Variants in PIK3R4 observed in about 807,000 individuals in gnomAD.
PIK3R4 encodes phosphoinositide 3-kinase regulatory subunit 4.
In PIK3R4, 46 loss-of-function variants were observed where a neutral mutation model predicts 136.5. The observed-to-expected ratio is 0.34, with a 90% confidence interval of 0.27 to 0.43. The LOEUF (loss-of-function observed/expected upper bound fraction) is 0.43, where lower values mean the gene tolerates loss of function less well. Ranked by LOEUF, PIK3R4 falls within the 20% of genes least tolerant of loss-of-function variation. PIK3R4 has a pLI of 1.00. For missense variants in PIK3R4, 1,331 were observed against 1,649.5 expected (o/e 0.81, Z 3.35); for synonymous variants, 557 against 566.7 (o/e 0.98, Z 0.24).
At chr3:130,728,949 A>C (rs1433291300) in intron 5 of PIK3R4, among the ~76,000 whole-genome samples, 1 of 152,204 alleles carries the variant, frequency 6.6e-6, no homozygotes. Context: ...AGTTTCATTT[A>C]TTAGCTCAAG....
intron 19 of PIK3R4, 147 bp from the exon 20 acceptor site, chr3:130,679,632 A>G: frequency 1.8e-6 from 1 of 546,348 alleles, no homozygotes; most frequent in Non-Finnish European, 3.2e-6. Flanking sequence ...CATTGAGCAA[A>G]AGGAGTAGAG....
intron 9 of PIK3R4, among the ~76,000 whole-genome samples, chr3:130,715,031 C>T (rs927670685): frequency 6.6e-6 from 1 of 152,058 alleles, no homozygotes; most frequent in African/African-American, 2.4e-5. Context: ...ATACTGTCTT[C>T]CACAACAGTT....
At chr3:130,725,734 G>T (rs2066727653) in intron 6 of PIK3R4, among the ~76,000 whole-genome samples, 1 of 151,692 alleles carries the variant, frequency 6.6e-6, no homozygotes, top group Admixed American at 6.6e-5. Context: ...GTATATAAAG[G>T]CTCGAAAAGA....
At chr3:130,737,532 C>T (rs1414725282) in intron 2 of PIK3R4, among the ~76,000 whole-genome samples, 6 of 151,942 alleles carry the variant, frequency 3.9e-5, no homozygotes, top group East Asian at 1.9e-4. Context: ...TGGTGGTGCA[C>T]GTTTGTAATT....
chr3:130,711,019 A>T (rs1277129063), intron 9 of PIK3R4, among the ~76,000 whole-genome samples: 1 of 87,804 alleles, frequency 1.1e-5, no homozygotes, highest in Non-Finnish European at 2.4e-5. Flanking sequence ...AAAAGGAAAG[A>T]AAAAAAAAAA....
In PIK3R4 at chr3:130,734,104, T is replaced by C; in HGVS notation, c.894A>G (p.Pro298=). Residue 298 remains proline (P), a synonymous_variant, in exon 4 of 20, where the codon CCA becomes CCG. Transcript: ENST00000356763. ...AATCTTCTGCCTCTAAACGTTTATC[T>C]GGCTCACGGTGAATCATCTGAGTTA... ...ELVTQMIHRE[P]DKRLEAEDYL... is the part of the protein sequence containing the mutation. 1 of 1,613,082 alleles carries C rather than the reference T, an allele frequency of 6.2e-7. No individual in the cohort carries two copies. The highest frequency in any genetic ancestry group is 8.5e-7 in the Non-Finnish European group (1 of 1,179,332).
chr3:130,679,203 A>T lies in PIK3R4; in HGVS notation c.*112T>A. 1 of 615,972 alleles carries T rather than the reference A, an allele frequency of 1.6e-6. No homozygotes were observed. Among genetic ancestry groups the T allele is most frequent in the Non-Finnish European group, 2.6e-6 (1 of 382,150 alleles). 38.2% of individuals were successfully genotyped at this position (615,972 alleles called of 1,614,324 possible). On this transcript the variant is annotated 3_prime_UTR_variant, in exon 20 of 20. Transcript: ENST00000356763. The stretch of plus-strand genomic sequence containing the variant: ...AGTCAGTCAGTCATGAAACAGTAAT[A>T]TGGAGACATAATTTTGAAAATTAAG...
chr3:130,693,494 T>C (rs1171742642), intron 13 of PIK3R4, among the ~76,000 whole-genome samples: 1 of 152,190 alleles, frequency 6.6e-6, no homozygotes, highest in Non-Finnish European at 1.5e-5. Context: ...GCCATTGTAG[T>C]GGGTGTGAAG....
intron 2 of PIK3R4, among the ~76,000 whole-genome samples, chr3:130,740,920 G>A (rs2066819851): frequency 6.6e-6 from 1 of 152,056 alleles, no homozygotes; most frequent in African/African-American, 2.4e-5. Context: ...GTGTATATGG[G>A]TGTTCCTTTG....
chr3:130,706,437 C>T (rs150380233), intron 11 of PIK3R4, among the ~76,000 whole-genome samples: 3,339 of 152,158 alleles, frequency 0.022, 57 homozygotes, highest in Middle Eastern at 0.041. Flanking sequence ...TATATGGGTA[C>T]CGGAAGTACA....
At position 130,708,339 on chromosome 3, in the gene PIK3R4, T is replaced by C; in HGVS notation, c.2485A>G (p.Arg829Gly). 6.2e-7 allele frequency: 1 copy of C among 1,613,846 alleles called. No homozygotes were observed. Among genetic ancestry groups the C allele is most frequent in the Non-Finnish European group, 8.5e-7 (1 of 1,179,772 alleles). Residue 829 changes from arginine (R) to glycine (G), a missense_variant, in exon 10 of 20, where the codon AGA becomes GGA. Physicochemically the swap from Arg to Gly is moderately radical, Grantham distance 125. Around this residue, in one of 2 missense-constraint regions of PIK3R4, gnomAD observed 1,180 missense variants for 1,407.0 expected, o/e 0.84. Transcript: ENST00000356763. Reference sequence around the variant, plus strand: ...TTGGTTTTAACAAGATCAACTTGTCTCCCAGTTATGCCTAAAGCTGCCAAG... The same window carrying C: ...TTGGTTTTAACAAGATCAACTTGTCCCCCAGTTATGCCTAAAGCTGCCAAG... ...IDLAALGITG[R>G]QVDLVKTKQE...
At chr3:130,699,003 T>C (rs774193578) in intron 13 of PIK3R4, among the ~76,000 whole-genome samples, 6 of 152,218 alleles carry the variant, frequency 3.9e-5, no homozygotes, top group Non-Finnish European at 8.8e-5. Flanking sequence ...ATCTCTGCTT[T>C]AGCCTTCAGT....
intron 9 of PIK3R4, among the ~76,000 whole-genome samples, chr3:130,711,919 G>A (rs746342265): frequency 6.6e-6 from 1 of 152,024 alleles, no homozygotes; most frequent in Non-Finnish European, 1.5e-5. Flanking sequence ...ATACTAATCT[G>A]TCAAAAAGTG....
In PIK3R4 at chr3:130,684,318, C is replaced by T. The variant is rs200819608; in HGVS notation, c.3539G>A (p.Cys1180Tyr). The T allele has an allele frequency of 4.7e-4, 757 of 1,613,292 alleles. 14 individuals carry two copies. In the South Asian group the frequency reaches 7.7e-3, roughly 16 times the overall value. The change falls in exon 16 of 20, where the codon TGT becomes TAT. Residue 1180 changes from cysteine (C) to tyrosine (Y), a missense_variant. Physicochemically the swap from Cys to Tyr is radical, Grantham distance 194. Around this residue, in one of 2 missense-constraint regions of PIK3R4, gnomAD observed 1,180 missense variants for 1,407.0 expected, o/e 0.84. Coordinates refer to ENST00000356763, the MANE Select transcript of PIK3R4 (RefSeq NM_014602.3). The stretch of plus-strand genomic sequence containing the variant: ...TCTGATTCGAGCCCTGGAAGGATGA[C>T]AGTGACTTGAAATTGGCAACTGGAA... ...MRFQLPISSHCHPSRARIRRL... is the reference protein window; with the variant it reads ...MRFQLPISSHYHPSRARIRRL...
chr3:130,729,596 A>G (rs2066751248), intron 5 of PIK3R4, among the ~76,000 whole-genome samples: 1 of 152,180 alleles, frequency 6.6e-6, no homozygotes, highest in Non-Finnish European at 1.5e-5. Context: ...TTCCTGATAC[A>G]TCCTCCTATA....
Position 130,742,700 on chromosome 3 carries a change from T to C in PIK3R4, c.733+1786A>G, listed in dbSNP as rs549870590. The stretch of plus-strand genomic sequence containing the variant: ...TCATTCATCAATTAATTTTCCTAAA[T>C]AATCTAAAATTTGGCTCAATTTATG... On this transcript the variant is annotated intron_variant, in intron 2 of 19. Transcript: ENST00000356763. Among the ~76,000 whole-genome samples, 7 of 152,304 alleles carry C rather than the reference T, an allele frequency of 4.6e-5. No homozygotes were observed. The East Asian group carries it at 1.3e-3, about 29-fold the overall frequency.
In PIK3R4 at chr3:130,679,269, T is replaced by C. The variant is rs6804132; in HGVS notation, c.*46A>G. On this transcript the variant is annotated 3_prime_UTR_variant, in exon 20 of 20. Transcript: ENST00000356763. ...TCTAGAAATGCCTTTTCTCGAGTTA[T>C]AGTATTATATTTATAACTATTAAAA... 3,915 of 1,186,960 alleles carry C rather than the reference T, an allele frequency of 3.3e-3. 117 individuals are homozygous for C. The African/African-American group carries it at 0.052, about 16-fold the overall frequency. 73.5% of individuals were successfully genotyped at this position (1,186,960 alleles called of 1,614,324 possible).
Position 130,733,695 on chromosome 3 carries a change from C to A in PIK3R4, c.1303G>T (p.Ala435Ser), listed in dbSNP as rs1193718255. The A allele has an allele frequency of 6.2e-7, 1 of 1,614,158 alleles. No individual in the cohort carries two copies. Among genetic ancestry groups the A allele is most frequent in the East Asian group, 2.2e-5 (1 of 44,888 alleles). Residue 435 changes from alanine (A) to serine (S), a missense_variant, in exon 4 of 20, where the codon GCT (alanine) becomes TCT (serine). By Grantham distance (99) the Ala-to-Ser change is moderately conservative. Around this residue, in one of 2 missense-constraint regions of PIK3R4, gnomAD observed 1,180 missense variants for 1,407.0 expected, o/e 0.84. Coordinates refer to ENST00000356763, the MANE Select transcript of PIK3R4 (RefSeq NM_014602.3). ...FSNDSVPRVR[A>S]EALRTLTKVL... ...TTGGTCAACGTCCTCAAGGCTTCAG[C>A]CCTCACCCTAGGAACAGAGTCATTG...
At chr3:130,686,715 G>C (rs1468470303) in intron 14 of PIK3R4, among the ~76,000 whole-genome samples, 1 of 152,120 alleles carries the variant, frequency 6.6e-6, no homozygotes, top group Non-Finnish European at 1.5e-5. Flanking sequence ...AGTAATTAGA[G>C]TACAGAACGT....
Sources: gnomAD v4.1 joint callset for allele counts (sites outside exome capture counted in the v4.1 genomes callset) on GRCh38, gnomAD v4.1.1 for gene constraint, gnomAD v4.1.1 regional missense constraint, MANE v1.5 for transcripts, NCBI Gene and HGNC (gene_info 2026-07-23, HGNC 2026-07-21) for gene names.